RAI14: variants seen among roughly 807,000 people sequenced by gnomAD.
The protein encoded by RAI14 is retinoic acid induced 14.
A neutral mutation model predicts 115.4 loss-of-function variants in RAI14; 45 were observed. That is an observed-to-expected ratio of 0.39 (90% CI 0.31 to 0.50). The LOEUF is 0.50. RAI14 is among the 20% of genes least tolerant of loss of function. RAI14 has a pLI of 0.85. For missense variants in RAI14, 939 were observed against 1,131.2 expected (o/e 0.83, Z 2.44); for synonymous variants, 371 against 415.4 (o/e 0.89, Z 1.30).
intron 1 of RAI14, among the ~76,000 whole-genome samples, chr5:34,664,750 G>A (rs1742977625): frequency 6.6e-6 from 1 of 151,348 alleles, no homozygotes; most frequent in Admixed American, 6.6e-5. Flanking sequence ...CATCCTATTT[G>A]TAGTCTTTTA....
At chr5:34,676,055 G>A (rs1281192131) in intron 1 of RAI14, among the ~76,000 whole-genome samples, 1 of 152,168 alleles carries the variant, frequency 6.6e-6, no homozygotes, top group East Asian at 1.9e-4. Context: ...TGAGTCATGT[G>A]GTAAATGTAC....
At chr5:34,759,457 C>A (rs1053182117) in intron 3 of RAI14, among the ~76,000 whole-genome samples, 2 of 152,162 alleles carry the variant, frequency 1.3e-5, no homozygotes, top group Non-Finnish European at 2.9e-5. Flanking sequence ...ACTATCTGAG[C>A]TCCGCCTCCT....
At chr5:34,792,477 G>A (rs1257645400) in intron 3 of RAI14, among the ~76,000 whole-genome samples, 4 of 151,886 alleles carry the variant, frequency 2.6e-5, no homozygotes, top group Admixed American at 2.0e-4. Context: ...CTCGTGATCC[G>A]CCCACCTCGG....
intron 14 of RAI14, among the ~76,000 whole-genome samples, chr5:34,822,691 TTTTTTTTTTTG>T (rs1392637019): frequency 7.5e-5 from 7 of 93,068 alleles, no homozygotes; most frequent in South Asian, 3.8e-4. Context: ...TTTTTTTTTT[TTTTTTTTTTTG>T]AGACGGAGTC....
rs1480884381 is a variant in RAI14 at position 34,830,917 on chromosome 5, CAGG to C, written c.*155_*157del. ...TCCAAAGGTTTCTGAGGACTTCTCC[CAGG>C]AGAAGACTGCCCGCCTCAGAACTGC... is the stretch of plus-strand genomic sequence containing the variant. On this transcript the variant is annotated 3_prime_UTR_variant, in exon 18 of 18. Transcript: ENST00000265109. The C allele has an allele frequency of 3.1e-5, 42 of 1,368,316 alleles. 1 individual carries two copies. In the East Asian group the frequency reaches 6.5e-4, roughly 21 times the overall value. The allele number at this position is 1,368,316 out of a possible 1,614,324, so 84.8% of individuals were successfully genotyped here.
At chr5:34,815,136 A>G (rs1756056713) in intron 12 of RAI14, among the ~76,000 whole-genome samples, 1 of 152,154 alleles carries the variant, frequency 6.6e-6, no homozygotes, top group Non-Finnish European at 1.5e-5. Flanking sequence ...TAATCCCAGC[A>G]CTTTGGGAGG....
chr5:34,738,671 T>A (rs545509457), intron 2 of RAI14, among the ~76,000 whole-genome samples: 13 of 152,296 alleles, frequency 8.5e-5, no homozygotes, highest in African/African-American at 3.1e-4. Context: ...TTCCAGACAT[T>A]TTCCTGGCAG....
intron 1 of RAI14, among the ~76,000 whole-genome samples, chr5:34,679,713 G>C (rs1019278178): frequency 6.6e-6 from 1 of 152,170 alleles, no homozygotes; most frequent in Non-Finnish European, 1.5e-5. Context: ...TAATGAGAAG[G>C]AAGGGGGCAG....
At chr5:34,697,282 C>CA (rs1166260569) in intron 2 of RAI14, among the ~76,000 whole-genome samples, 2 of 151,338 alleles carry the variant, frequency 1.3e-5, no homozygotes, top group Non-Finnish European at 2.9e-5. Context: ...ACTAAAAATA[C>CA]AAAATTAGCT....
intron 3 of RAI14, among the ~76,000 whole-genome samples, chr5:34,767,472 C>T (rs904330668): frequency 6.6e-6 from 1 of 152,148 alleles, no homozygotes; most frequent in Non-Finnish European, 1.5e-5. Flanking sequence ...TGAGCAGCAA[C>T]CAGCCTGCTC....
At chr5:34,824,682 G>A (rs534394691) in intron 15 of RAI14, among the ~76,000 whole-genome samples, 191 bp downstream of exon 15, 15 of 152,264 alleles carry the variant, frequency 9.9e-5, no homozygotes, top group African/African-American at 3.1e-4. Context: ...GGTGGCTCAC[G>A]CTTATAATCC....
chr5:34,751,672 G>A (rs1293766407), intron 2 of RAI14, among the ~76,000 whole-genome samples: 5 of 152,096 alleles, frequency 3.3e-5, no homozygotes, highest in African/African-American at 7.2e-5. Context: ...TTTATCCGTC[G>A]TTTGTTATTG....
intron 7 of RAI14, among the ~76,000 whole-genome samples, chr5:34,810,244 G>T (rs1426019296): frequency 6.6e-6 from 1 of 151,336 alleles, no homozygotes; most frequent in Non-Finnish European, 1.5e-5. Flanking sequence ...GTATATTCCA[G>T]AAAAAAAACA....
At chr5:34,751,853 C>A (rs1473967246) in intron 2 of RAI14, among the ~76,000 whole-genome samples, 5 of 152,194 alleles carry the variant, frequency 3.3e-5, no homozygotes, top group African/African-American at 9.6e-5. Context: ...CTTCACAGGC[C>A]TGCTTCCTTA....
At position 34,745,674 on chromosome 5, in the gene RAI14, C is replaced by G. The variant is rs148154026; in HGVS notation, c.37-11794C>G. ...CCCTTTCTCCCATCCTACCCGATGC[C>G]TCCAGTGAAAAATCATGTGACCTTA... On this transcript the variant is annotated intron_variant, in intron 2 of 17. Transcript: ENST00000265109. 4.6e-4 allele frequency among the ~76,000 whole-genome samples: 70 copies of G among 152,312 alleles called. 1 individual carries two copies. The highest frequency in any genetic ancestry group is 1.5e-3 in the African/African-American group (62 of 41,582).
intron 16 of RAI14, 118 bp from the exon 17 acceptor site, chr5:34,829,614 G>C: frequency 1.4e-6 from 1 of 692,382 alleles, no homozygotes; most frequent in Non-Finnish European, 2.4e-6. Flanking sequence ...TCCAGTGCTA[G>C]CATAAAGTGG....
chr5:34,771,695 G>A (rs1053085465), intron 3 of RAI14, among the ~76,000 whole-genome samples: 2 of 152,114 alleles, frequency 1.3e-5, no homozygotes, highest in East Asian at 3.9e-4. Flanking sequence ...GAGTGGTTTG[G>A]TAGGAAATGA....
At chr5:34,780,456 T>A (rs571636939) in intron 3 of RAI14, among the ~76,000 whole-genome samples, 8 of 151,930 alleles carry the variant, frequency 5.3e-5, no homozygotes, top group South Asian at 2.1e-4. Context: ...TGGGAAAAAA[T>A]TTTTGCAATG....
At chr5:34,709,534 C>G (rs1741139860) in intron 2 of RAI14, among the ~76,000 whole-genome samples, 1 of 152,058 alleles carries the variant, frequency 6.6e-6, no homozygotes, top group African/African-American at 2.4e-5. Flanking sequence ...ATGGGTTTTC[C>G]TAGTATTGGA....
Sources: allele counts gnomAD v4.1 joint callset (sites outside exome capture counted in the v4.1 genomes callset), GRCh38; gene constraint gnomAD v4.1.1; transcripts MANE v1.5; gene names NCBI Gene and HGNC (gene_info 2026-07-23, HGNC 2026-07-21).